Variants in ENOX2 observed in about 807,000 individuals in gnomAD.
ENOX2 encodes the protein APK1 antigen.
A neutral mutation model predicts 45.0 loss-of-function variants in ENOX2; 36 were observed. The ratio of observed to expected loss-of-function variants is 0.80; its 90% CI spans 0.61 to 1.06. The LOEUF (loss-of-function observed/expected upper bound fraction) is 1.06, where lower values mean the gene tolerates loss of function less well. Among genes scored for constraint, ENOX2 ranks in the 50% least tolerant of loss-of-function variants. The probability of loss-of-function intolerance (pLI) is 0.00; values close to 1 mark genes in which losing one functional copy is unlikely to be tolerated. For synonymous variants in ENOX2, 174 were observed against 152.3 expected, an observed-to-expected ratio of 1.14 and a Z score of -1.05; for missense variants, 423 against 462.5, an observed-to-expected ratio of 0.91 and a Z score of 0.78.
At chrX:130,849,065 C>A (rs2078161382) in intron 2 of ENOX2, among the ~76,000 whole-genome samples, 1 of 112,193 alleles carries the variant, frequency 8.9e-6, no homozygotes, top group African/African-American at 3.2e-5. Flanking sequence ...AAGGATAAAT[C>A]AACTAATGGC....
chrX:130,823,307 T>C (rs1399277198), intron 2 of ENOX2, among the ~76,000 whole-genome samples: 1 of 111,587 alleles, frequency 9.0e-6, no homozygotes, highest in African/African-American at 3.3e-5. Context: ...AGAGTGTTGG[T>C]GAGTGGCAGC....
intron 4 of ENOX2, among the ~76,000 whole-genome samples, chrX:130,692,327 T>C (rs1016908496): frequency 3.5e-5 from 4 of 113,460 alleles, no homozygotes; most frequent in African/African-American, 1.3e-4. Flanking sequence ...GCCCCTGGCC[T>C]GGCTTGTGGA....
rs943909343 is a variant in ENOX2 at position 130,636,631 on chromosome X, C to T, written c.1311+598G>A. 3.6e-5 allele frequency among the ~76,000 whole-genome samples: 4 copies of T among 112,662 alleles called. No homozygotes were observed. In the East Asian group the frequency reaches 8.3e-4, roughly 23 times the overall value. Reference sequence around the variant, plus strand: ...ACACTATGTTGTCTGTGAATGCAATCGCAGTTGGGTGCATTTATTTACTTT... The same window carrying T: ...ACACTATGTTGTCTGTGAATGCAATTGCAGTTGGGTGCATTTATTTACTTT... On this transcript the variant is annotated intron_variant, in intron 11 of 14. Coordinates refer to ENST00000394363, the MANE Select transcript of ENOX2 (RefSeq NM_006375.4).
intron 2 of ENOX2, among the ~76,000 whole-genome samples, chrX:130,879,014 A>G (rs945820691): frequency 2.7e-5 from 3 of 112,106 alleles, no homozygotes; most frequent in African/African-American, 9.7e-5. Flanking sequence ...TACGTTCCTC[A>G]TATTCCTTAC....
At chrX:130,735,118 G>A (rs2038828684) in intron 3 of ENOX2, among the ~76,000 whole-genome samples, 1 of 112,415 alleles carries the variant, frequency 8.9e-6, no homozygotes. Context: ...CCAGAGGCAT[G>A]GAGGAGAATC....
At chrX:130,841,530 T>C (rs2148502946) in intron 2 of ENOX2, among the ~76,000 whole-genome samples, 1 of 112,326 alleles carries the variant, frequency 8.9e-6, no homozygotes, top group East Asian at 2.8e-4. Context: ...CAGCAGAATT[T>C]CCAAAGGCCT....
chrX:130,789,890 G>A (rs1271111933), intron 2 of ENOX2, among the ~76,000 whole-genome samples: 1 of 111,956 alleles, frequency 8.9e-6, no homozygotes, highest in Non-Finnish European at 1.9e-5. Flanking sequence ...CCTCATTCTA[G>A]GCCTCAAAAC....
In ENOX2 at chrX:130,719,978, CAA is replaced by C. The variant is rs58395554; in HGVS notation, c.-38-16726_-38-16725del. On this transcript the variant is annotated intron_variant, in intron 3 of 14. Coordinates refer to ENST00000394363, the MANE Select transcript of ENOX2 (RefSeq NM_006375.4). ...TTGCAAACAAAGGAAGGAAGAGAAA[CAA>C]AAGAGATGTGTACAACTATGTTCTG... Among the ~76,000 whole-genome samples the C allele has an allele frequency of 4.8e-3, 541 of 111,988 alleles. 6 individuals are homozygous for C. The highest frequency in any genetic ancestry group is 0.017 in the African/African-American group (521 of 30,849).
At chrX:130,817,774 G>C (rs1391033600) in intron 2 of ENOX2, among the ~76,000 whole-genome samples, 2 of 111,901 alleles carry the variant, frequency 1.8e-5, no homozygotes, top group East Asian at 5.6e-4. Flanking sequence ...TTTCAAAATA[G>C]TAAGAGCTAT....
Position 130,882,183 on chromosome X carries a change from C to T in ENOX2, c.-183+19501G>A, listed in dbSNP as rs777022204. Among the ~76,000 whole-genome samples the T allele has an allele frequency of 9.1e-5, 10 of 110,308 alleles. No homozygotes were observed. The South Asian group carries it at 3.5e-3, about 39-fold the overall frequency. On this transcript the variant is annotated intron_variant, in intron 2 of 14. Transcript: ENST00000394363. ...AGAACAGTATGGAAAGGCACAGGAGCTTGAAAATTTGGGGTGTACTTATGA... is the reference window on the plus strand; with the variant it reads ...AGAACAGTATGGAAAGGCACAGGAGTTTGAAAATTTGGGGTGTACTTATGA...
intron 10 of ENOX2, among the ~76,000 whole-genome samples, chrX:130,639,339 A>G (rs981929100): frequency 9.0e-6 from 1 of 111,728 alleles, no homozygotes; most frequent in Non-Finnish European, 1.9e-5. Context: ...GTGGGGGGTG[A>G]TGGTGGTGGG....
At chrX:130,686,255 T>C (rs1341556932) in intron 5 of ENOX2, among the ~76,000 whole-genome samples, 2 of 111,130 alleles carry the variant, frequency 1.8e-5, no homozygotes, top group Admixed American at 1.9e-4. Flanking sequence ...GGATTTCTCA[T>C]GAATGATTTA....
intron 2 of ENOX2, among the ~76,000 whole-genome samples, chrX:130,831,302 G>A (rs1218376731): frequency 9.0e-6 from 1 of 111,582 alleles, no homozygotes; most frequent in African/African-American, 3.3e-5. Flanking sequence ...AGTTTTGGAG[G>A]AGACATTCAA....
chrX:130,857,998 A>G (rs1455875914), intron 2 of ENOX2, among the ~76,000 whole-genome samples: 1 of 111,359 alleles, frequency 9.0e-6, no homozygotes, highest in African/African-American at 3.3e-5. Context: ...CAGAAATACT[A>G]CTACGCATTT....
intron 2 of ENOX2, among the ~76,000 whole-genome samples, chrX:130,784,358 T>A (rs1410913264): frequency 5.4e-5 from 6 of 111,187 alleles, no homozygotes; most frequent in Non-Finnish European, 1.1e-4. Flanking sequence ...TATTTTCTAC[T>A]CTCCAAGTCT....
At chrX:130,802,972 C>T (rs749954431) in intron 2 of ENOX2, among the ~76,000 whole-genome samples, 3 of 111,263 alleles carry the variant, frequency 2.7e-5, no homozygotes, top group Middle Eastern at 4.6e-3. Flanking sequence ...GGATGAAGCC[C>T]GTTATGCCAT....
chrX:130,805,754 T>C (rs1006192157), intron 2 of ENOX2, among the ~76,000 whole-genome samples: 4 of 111,801 alleles, frequency 3.6e-5, no homozygotes, highest in African/African-American at 9.8e-5. Flanking sequence ...GGCATGGAAC[T>C]GAGGCAGACA....
At chrX:130,874,800 A>G (rs2078662936) in intron 2 of ENOX2, among the ~76,000 whole-genome samples, 1 of 111,495 alleles carries the variant, frequency 9.0e-6, no homozygotes, top group African/African-American at 3.3e-5. Context: ...ATGTAGAGAC[A>G]TACACACAGC....
chrX:130,714,231 G>C (rs927117883), intron 3 of ENOX2, among the ~76,000 whole-genome samples: 1 of 112,044 alleles, frequency 8.9e-6, no homozygotes, highest in Non-Finnish European at 1.9e-5. Context: ...AGAAAATAGA[G>C]TATGACAAGG....
Sources: gnomAD v4.1 joint callset for allele counts (sites outside exome capture counted in the v4.1 genomes callset) on GRCh38, gnomAD v4.1.1 for gene constraint, MANE v1.5 for transcripts, NCBI Gene and HGNC (gene_info 2026-07-23, HGNC 2026-07-21) for gene names.